The following TRIM66 variants were observed in gnomAD, a reference collection of about 807,000 sequenced individuals.
TRIM66 encodes tripartite motif containing 66, also known as tripartite motif-containing protein 66.
A neutral mutation model predicts 148.2 loss-of-function variants in TRIM66; 99 were observed. The ratio of observed to expected loss-of-function variants is 0.67; its 90% CI spans 0.57 to 0.79. The LOEUF is 0.79. Ranked by LOEUF, TRIM66 falls within the 30% of genes least tolerant of loss-of-function variation. The probability of loss-of-function intolerance (pLI) is 0.00; values close to 1 mark genes in which losing one functional copy is unlikely to be tolerated. For synonymous variants in TRIM66, 616 were observed against 635.9 expected (o/e 0.97, Z 0.47); for missense variants, 1,666 against 1,697.9 (o/e 0.98, Z 0.33).
At chr11:8,683,051 C>T (rs1419514251), upstream of TRIM66, 3 of 897,908 alleles carry the variant, frequency 3.3e-6, no homozygotes, top group Non-Finnish European at 3.5e-6. Context: ...GGTGAGACCT[C>T]ACGGCCCTGA....
chr11:8,640,835 T>G lies in TRIM66; in HGVS notation c.1540A>C (p.Arg514=). ...GGGCTGCAGGCCAGCTCTTTCTCCC[T>G]GGGCAGCAGGGCAGAGCACTGCAGA... is the stretch of plus-strand genomic sequence containing the variant. ...GSLQCSALLP[R]EKELACSPHP... is the part of the protein sequence containing the mutation. Residue 514 remains arginine, a synonymous_variant, in exon 14 of 25, where the codon AGG becomes CGG. Transcript: ENST00000646038. 2.6e-6 allele frequency: 4 copies of G among 1,550,366 alleles called. No individual in the cohort carries two copies. Among genetic ancestry groups the G allele is most frequent in the Non-Finnish European group, 3.5e-6 (4 of 1,146,942 alleles).
At chr11:8,669,848 C>G (rs2133472934) in intron 6 of TRIM66, among the ~76,000 whole-genome samples, 1 of 152,112 alleles carries the variant, frequency 6.6e-6, no homozygotes, top group Non-Finnish European at 1.5e-5. Flanking sequence ...CTGACCATCT[C>G]ATTTATTTCT....
In TRIM66 at chr11:8,624,782, A is replaced by G. The variant is rs200696402; in HGVS notation, c.2757T>C (p.Ser919=). 6.4e-7 allele frequency: 1 copy of G among 1,550,852 alleles called. No individual in the cohort carries two copies. The highest frequency in any genetic ancestry group is 8.7e-7 in the Non-Finnish European group (1 of 1,146,492). Residue 919 remains serine (S), a synonymous_variant, in exon 16 of 25, where the codon TCT becomes TCC. Transcript: ENST00000646038. ...MQPETGSSSS[S]GRTSGSLCPR... ...GACACAGGCTCCCTGAAGTTCGGCC[A>G]GAACTGGAGCTGGACCCAGTTTCTG...
chr11:8,676,293 G>A (rs1439006450), intron 3 of TRIM66, among the ~76,000 whole-genome samples: 1 of 151,026 alleles, frequency 6.6e-6, no homozygotes, highest in Non-Finnish European at 1.5e-5. Flanking sequence ...TTTTGTTCCA[G>A]TTTGGTGCCC....
rs1021098014 is a variant in TRIM66 at position 8,620,055 on chromosome 11, G to A, written c.3742C>T (p.Pro1248Ser). 13 of 1,551,574 alleles carry A rather than the reference G, an allele frequency of 8.4e-6. No individual in the cohort carries two copies. Among genetic ancestry groups the A allele is most frequent in the East Asian group, 4.9e-5 (2 of 40,940 alleles). The change falls in exon 22 of 25, where the codon CCC becomes TCC. Residue 1248 changes from proline (P) to serine (S), a missense_variant. This residue lies in a region of TRIM66 where 204 missense variants were observed against 231.0 expected (regional missense o/e 0.88). Transcript: ENST00000646038. ...LSLPFHEPVS[P>S]LARHYYQIIK... Reference sequence around the variant, plus strand: ...AACAGCGTGGCCTTCCTTACCAGGGGGCTGACAGGTTCATGGAAGGGCAGG... The same window carrying A: ...AACAGCGTGGCCTTCCTTACCAGGGAGCTGACAGGTTCATGGAAGGGCAGG...
chr11:8,670,290 G>A (rs1313107423), intron 6 of TRIM66, among the ~76,000 whole-genome samples: 1 of 152,142 alleles, frequency 6.6e-6, no homozygotes, highest in Non-Finnish European at 1.5e-5. Context: ...GGGATTATAG[G>A]CGTGAGCCAC....
intron 24 of TRIM66, 87 bp downstream of exon 24, chr11:8,618,663 G>A (rs986694564): frequency 2.6e-5 from 33 of 1,275,002 alleles, no homozygotes; most frequent in Admixed American, 2.1e-4. Flanking sequence ...TGCACCACCC[G>A]AACAGCTTCA....
intron 3 of TRIM66, chr11:8,679,171 G>A (rs961666702): frequency 6.6e-6 from 1 of 152,252 alleles, no homozygotes; most frequent in African/African-American, 2.4e-5. Flanking sequence ...TTTGCAGACA[G>A]AAAACTCAGC....
intron 15 of TRIM66, 53 bp from the exon 16 acceptor site, chr11:8,625,281 G>A (rs2034714518): frequency 1.4e-6 from 2 of 1,447,434 alleles, no homozygotes; most frequent in South Asian, 1.5e-5. Context: ...GGAATGGAGG[G>A]AGGGAGAGGA....
intron 17 of TRIM66, 84 bp from the exon 18 acceptor site, chr11:8,622,960 A>G: frequency 8.3e-7 from 1 of 1,205,486 alleles, no homozygotes; most frequent in South Asian, 1.3e-5. Context: ...TATATCTGCT[A>G]TTCATACCTT....
chr11:8,643,596 C>T (rs1390364806), intron 12 of TRIM66, among the ~76,000 whole-genome samples: 1 of 152,134 alleles, frequency 6.6e-6, no homozygotes, highest in Non-Finnish European at 1.5e-5. Flanking sequence ...CCCACCTCGG[C>T]CTCCCAAAGT....
intron 15 of TRIM66, among the ~76,000 whole-genome samples, chr11:8,628,636 A>AAAAAAAAAAAAAAGAGAGAGAGAG (rs1555042270): frequency 3.2e-5 from 3 of 93,338 alleles, no homozygotes; most frequent in African/African-American, 1.1e-4. Flanking sequence ...AAAAAAAAAA[A>AAAAAAAAAAAAAAGAGAGAGAGAG]AGAGAGAGAA....
chr11:8,630,305 A>G (rs2035271569), intron 15 of TRIM66, among the ~76,000 whole-genome samples: 1 of 152,152 alleles, frequency 6.6e-6, no homozygotes. Flanking sequence ...AATGGAGATG[A>G]TACCACCCAC....
chr11:8,618,702 CT>C, intron 24 of TRIM66, 47 bp downstream of exon 24: 1 of 1,519,884 alleles, frequency 6.6e-7, no homozygotes. Flanking sequence ...TGCCCCTCTG[CT>C]TGCCTGATCA....
At position 8,621,257 on chromosome 11, in the gene TRIM66, AC is replaced by A. The variant is rs754638764; in HGVS notation, c.3319del (p.Val1107SerfsTer37). On this transcript the variant is annotated frameshift_variant, in exon 20 of 25. Transcript: ENST00000646038. LOFTEE classifies it high-confidence loss of function. ...APGLEGRKVT[V>X]TSLAGQRPPE... ...TGGCCGCTGCCCAGCCAAAGAAGTG[AC>A]AGTGACCTTTCTTCCCTCCAGACCT... is the stretch of plus-strand genomic sequence containing the variant. 1.9e-6 allele frequency: 3 copies of A among 1,551,694 alleles called. No homozygotes were observed. In the South Asian group the frequency reaches 3.6e-5, roughly 18 times the overall value.
intron 15 of TRIM66, 96 bp from the exon 16 acceptor site, chr11:8,625,324 A>G: frequency 1.4e-6 from 2 of 1,393,434 alleles, no homozygotes; most frequent in Non-Finnish European, 9.4e-7. Context: ...CCATGCTCCA[A>G]TTCCACTCTG....
intron 6 of TRIM66, among the ~76,000 whole-genome samples, chr11:8,652,245 T>G (rs1308543309): frequency 6.6e-6 from 1 of 151,978 alleles, no homozygotes; most frequent in African/African-American, 2.4e-5. Flanking sequence ...TCATTCCACA[T>G]CCCTGAGAGC....
intron 15 of TRIM66, among the ~76,000 whole-genome samples, chr11:8,634,407 A>G (rs1183493406): frequency 6.6e-6 from 1 of 152,084 alleles, no homozygotes; most frequent in Non-Finnish European, 1.5e-5. Flanking sequence ...GAGCTCAAAC[A>G]ATCTGCCTGT....
At chr11:8,643,155 T>C (rs2036547899) in intron 12 of TRIM66, 29 bp from the exon 13 acceptor site, 1 of 1,539,656 alleles carries the variant, frequency 6.5e-7, no homozygotes, top group Non-Finnish European at 8.8e-7. Flanking sequence ...GTCATTTATT[T>C]GGGCATCTTG....
Sources: gnomAD v4.1 joint callset for allele counts (sites outside exome capture counted in the v4.1 genomes callset) on GRCh38, gnomAD v4.1.1 for gene constraint, gnomAD v4.1.1 regional missense constraint, MANE v1.5 for transcripts, NCBI Gene and HGNC (gene_info 2026-07-23, HGNC 2026-07-21) for gene names.